Variants in DPP6 observed in about 807,000 individuals in gnomAD.
DPP6 encodes the protein A-type potassium channel modulatory protein DPP6.
Under a neutral mutation model 122.6 loss-of-function variants are expected in DPP6, and 69 were observed. The observed-to-expected ratio is 0.56, with a 90% confidence interval of 0.46 to 0.69. The LOEUF (loss-of-function observed/expected upper bound fraction) is 0.69. DPP6 is among the 30% of genes least tolerant of loss of function. The pLI is 0.00. For synonymous variants in DPP6, 418 were observed against 433.1 expected, an observed-to-expected ratio of 0.97 and a Z score of 0.43; for missense variants, 928 against 1,116.9, an observed-to-expected ratio of 0.83 and a Z score of 2.41.
chr7:154,101,796 C>T (rs563259564), intron 1 of DPP6, among the ~76,000 whole-genome samples: 21 of 151,534 alleles, frequency 1.4e-4, no homozygotes, highest in South Asian at 1.3e-3. Context: ...GGCACTGTGG[C>T]GGGCGCATGT....
intron 1 of DPP6, among the ~76,000 whole-genome samples, chr7:154,106,320 G>A (rs1806157590): frequency 8.1e-6 from 1 of 123,502 alleles, no homozygotes; most frequent in Admixed American, 9.2e-5. Flanking sequence ...GCTAGGTCTG[G>A]TCTCTGCATC....
chr7:154,216,422 G>A (rs970805081), intron 1 of DPP6, among the ~76,000 whole-genome samples: 1 of 152,202 alleles, frequency 6.6e-6, no homozygotes, highest in African/African-American at 2.4e-5. Flanking sequence ...GGATTTGGAA[G>A]ATTGAGGTAT....
intron 16 of DPP6, among the ~76,000 whole-genome samples, chr7:154,819,885 A>C (rs1424088202): frequency 6.6e-5 from 10 of 152,240 alleles, no homozygotes; most frequent in Admixed American, 6.5e-4. Flanking sequence ...TTTTTTTAGA[A>C]TTCTGAATTG....
At chr7:154,044,219 A>G (rs1799907872) in intron 1 of DPP6, among the ~76,000 whole-genome samples, 2 of 152,244 alleles carry the variant, frequency 1.3e-5, no homozygotes, top group African/African-American at 2.4e-5. Flanking sequence ...CCAAATTACT[A>G]TGATTTGAAA....
At chr7:154,191,985 A>G (rs1444084307) in intron 1 of DPP6, among the ~76,000 whole-genome samples, 2 of 152,246 alleles carry the variant, frequency 1.3e-5, no homozygotes, top group African/African-American at 4.8e-5. Context: ...GGCAGGAGAA[A>G]AAAAACCACA....
chr7:154,183,466 A>C (rs1050209777), intron 1 of DPP6, among the ~76,000 whole-genome samples: 1 of 152,214 alleles, frequency 6.6e-6, no homozygotes, highest in Admixed American at 6.5e-5. Flanking sequence ...AAATATGTCC[A>C]GTCCCTCCTG....
At chr7:154,248,823 G>A (rs373625139) in intron 1 of DPP6, among the ~76,000 whole-genome samples, 17 of 151,618 alleles carry the variant, frequency 1.1e-4, no homozygotes, top group African/African-American at 2.7e-4. Context: ...CCGAGATTGC[G>A]CCACTGCACT....
chr7:154,014,089 C>A, intron 1 of DPP6, among the ~76,000 whole-genome samples: 1 of 151,970 alleles, frequency 6.6e-6, no homozygotes, highest in Non-Finnish European at 1.5e-5. Flanking sequence ...CCAATAGGGT[C>A]CTTTTGACTG....
chr7:154,290,585 T>G (rs1299473014), intron 1 of DPP6, among the ~76,000 whole-genome samples: 3 of 149,528 alleles, frequency 2.0e-5, no homozygotes, highest in African/African-American at 7.4e-5. Context: ...GAGGTTGCAG[T>G]GAGCCGAGAT....
chr7:154,311,314 G>A (rs531121103), intron 1 of DPP6, among the ~76,000 whole-genome samples: 2 of 152,008 alleles, frequency 1.3e-5, no homozygotes, highest in Non-Finnish European at 2.9e-5. Context: ...GCAACATGGC[G>A]AAGCCCCATG....
chr7:153,776,359 T>G, the DPP6 span, among the ~76,000 whole-genome samples: 1 of 152,032 alleles, frequency 6.6e-6, no homozygotes, highest in Non-Finnish European at 1.5e-5. Flanking sequence ...AGTGAATGAG[T>G]CCTCCTGAGG....
intron 6 of DPP6, 80 bp from the exon 7 acceptor site, chr7:154,669,274 TTATAGG>T (rs1838394742): frequency 1.3e-6 from 2 of 1,545,716 alleles, no homozygotes; most frequent in Admixed American, 3.9e-5. Flanking sequence ...AGGAGTTAAG[TTATAGG>T]TAGGGGATAA....
chr7:154,339,837 G>C (rs1809767593), intron 1 of DPP6, among the ~76,000 whole-genome samples: 1 of 152,152 alleles, frequency 6.6e-6, no homozygotes, highest in Non-Finnish European at 1.5e-5. Context: ...CACTTTGGGA[G>C]CCTGAGATGG....
intron 1 of DPP6, among the ~76,000 whole-genome samples, chr7:153,996,887 G>A (rs946036730): frequency 1.3e-5 from 2 of 152,170 alleles, no homozygotes; most frequent in Admixed American, 6.5e-5. Context: ...GTCTATGTAT[G>A]TTATATGAAT....
intron 1 of DPP6, among the ~76,000 whole-genome samples, chr7:153,968,051 A>G (rs1795846450): frequency 6.7e-6 from 1 of 150,092 alleles, no homozygotes; most frequent in African/African-American, 2.5e-5. Context: ...TGGTAGAATT[A>G]TTTATTTTCC....
intron 10 of DPP6, among the ~76,000 whole-genome samples, chr7:154,778,293 C>T (rs921687209): frequency 3.9e-5 from 6 of 152,084 alleles, no homozygotes; most frequent in African/African-American, 4.8e-5. Flanking sequence ...GACCAACCCA[C>T]GGTTTCTAAC....
intron 4 of DPP6, among the ~76,000 whole-genome samples, chr7:154,559,322 T>A (rs1319781502): frequency 7.8e-6 from 1 of 127,580 alleles, no homozygotes; most frequent in African/African-American, 2.9e-5. Context: ...GAAAACTATT[T>A]AAAACCAAGA....
At chr7:154,538,020 T>C (rs1828403768) in intron 3 of DPP6, among the ~76,000 whole-genome samples, 1 of 151,904 alleles carries the variant, frequency 6.6e-6, no homozygotes, top group African/African-American at 2.4e-5. Context: ...ACAGTAAATA[T>C]CACCTTATTA....
At chr7:153,910,868 GT>G (rs1800060857) in intron 1 of DPP6, among the ~76,000 whole-genome samples, 3 of 152,180 alleles carry the variant, frequency 2.0e-5, no homozygotes, top group Middle Eastern at 3.4e-3. Context: ...ATCTGACCAC[GT>G]CTCCCCTCCC....
Sources: gnomAD v4.1 joint callset for allele counts (sites outside exome capture counted in the v4.1 genomes callset) on GRCh38, gnomAD v4.1.1 for gene constraint, MANE v1.5 for transcripts, NCBI Gene and HGNC (gene_info 2026-07-23, HGNC 2026-07-21) for gene names.